NCKAP5: variants seen among roughly 807,000 people sequenced by gnomAD.
The protein encoded by NCKAP5 is nck-associated protein 5.
NCKAP5 carries 92 observed loss-of-function variants against 167.0 expected under a neutral mutation model. The ratio of observed to expected loss-of-function variants is 0.55; its 90% CI spans 0.47 to 0.66. NCKAP5 has a LOEUF of 0.66. Ranked by LOEUF, NCKAP5 falls within the 30% of genes least tolerant of loss-of-function variation. NCKAP5 has a pLI of 0.00. For missense variants in NCKAP5, 2,378 were observed against 2,315.0 expected, an observed-to-expected ratio of 1.03 and a Z score of -0.56; for synonymous variants, 891 against 877.4, an observed-to-expected ratio of 1.02 and a Z score of -0.27.
intron 8 of NCKAP5, among the ~76,000 whole-genome samples, chr2:132,898,632 T>G (rs1433315450): frequency 6.6e-6 from 1 of 152,238 alleles, no homozygotes; most frequent in African/African-American, 2.4e-5. Flanking sequence ...ATGAATGTTG[T>G]GTTAGCAGGC....
At chr2:132,713,776 T>C (rs956343874) in intron 19 of NCKAP5, among the ~76,000 whole-genome samples, 1 of 152,010 alleles carries the variant, frequency 6.6e-6, no homozygotes, top group African/African-American at 2.4e-5. Flanking sequence ...AAACATTCTG[T>C]ATGATGCTTG....
intron 16 of NCKAP5, among the ~76,000 whole-genome samples, chr2:132,742,293 T>C (rs1205292550): frequency 2.0e-5 from 3 of 151,986 alleles, no homozygotes; most frequent in East Asian, 1.9e-4. Flanking sequence ...GGATAACATC[T>C]GCCTTGATAA....
intron 3 of NCKAP5, among the ~76,000 whole-genome samples, chr2:133,426,245 G>A (rs1356421097): frequency 1.3e-5 from 2 of 151,984 alleles, no homozygotes; most frequent in Admixed American, 6.5e-5. Context: ...ACTCCAGCCT[G>A]GGCAACGGAG....
chr2:133,242,933 C>T (rs1461697118), intron 4 of NCKAP5, among the ~76,000 whole-genome samples: 1 of 152,106 alleles, frequency 6.6e-6, no homozygotes, highest in Non-Finnish European at 1.5e-5. Context: ...ACTGGAGTTA[C>T]ACAATATACC....
In NCKAP5 at chr2:133,074,369, A is replaced by T. The variant is rs541943354; in HGVS notation, c.341+55609T>A. ...TACCAAAAAACCGAAAATTTAATTA[A>T]TTTTTTTTGAGACAGGGTCTCACTC... On this transcript the variant is annotated intron_variant, in intron 6 of 19. Transcript: ENST00000409261. 4.7e-3 allele frequency among the ~76,000 whole-genome samples: 712 copies of T among 151,474 alleles called. 4 individuals are homozygous for T. The highest frequency in any genetic ancestry group is 8.0e-3 in the Non-Finnish European group (545 of 67,876).
intron 11 of NCKAP5, among the ~76,000 whole-genome samples, chr2:132,826,763 A>G (rs1687151116): frequency 6.6e-6 from 1 of 152,186 alleles, no homozygotes; most frequent in Non-Finnish European, 1.5e-5. Flanking sequence ...TAGATAGATT[A>G]AGGAGAAAAA....
At chr2:133,562,581 A>G (rs1033651955) in intron 1 of NCKAP5, among the ~76,000 whole-genome samples, 49 of 152,174 alleles carry the variant, frequency 3.2e-4, no homozygotes, top group African/African-American at 1.1e-3. Context: ...TCTTCTTTCA[A>G]CACCGTAATA....
At chr2:133,234,551 T>C (rs1225115138) in intron 4 of NCKAP5, among the ~76,000 whole-genome samples, 2 of 152,156 alleles carry the variant, frequency 1.3e-5, no homozygotes, top group African/African-American at 4.8e-5. Flanking sequence ...CTGACCACTG[T>C]ATGTTCTTTA....
intron 5 of NCKAP5, among the ~76,000 whole-genome samples, chr2:133,199,222 A>C (rs1455407125): frequency 6.6e-6 from 1 of 151,588 alleles, no homozygotes; most frequent in Non-Finnish European, 1.5e-5. Context: ...GAATACAGAA[A>C]GCATAAACTA....
intron 3 of NCKAP5, among the ~76,000 whole-genome samples, chr2:133,326,458 C>CAAAAAA (rs34750625): frequency 1.8e-4 from 9 of 48,916 alleles, no homozygotes; most frequent in African/African-American, 4.0e-4. Context: ...TCAGTCTCAA[C>CAAAAAA]AAAAAAAAAA....
At position 132,866,302 on chromosome 2, in the gene NCKAP5, T is replaced by C. The variant is rs1265098460; in HGVS notation, c.687+2634A>G. ...TGAGTTACATTTTCTGCAAATGTAA[T>C]TGACTTAATGAAGATAAAATATATT... On this transcript the variant is annotated intron_variant, in intron 10 of 19. Coordinates refer to ENST00000409261, the MANE Select transcript of NCKAP5 (RefSeq NM_207363.3). Among the ~76,000 whole-genome samples, 3 of 152,180 alleles carry C rather than the reference T, an allele frequency of 2.0e-5. No individual in the cohort carries two copies. In the East Asian group the frequency reaches 5.8e-4, roughly 29 times the overall value.
chr2:133,582,728 T>C, the NCKAP5 span, among the ~76,000 whole-genome samples: 2 of 152,230 alleles, frequency 1.3e-5, no homozygotes, highest in Non-Finnish European at 2.9e-5. Context: ...AACATAAAGA[T>C]AGTTCTGGCT....
At chr2:133,015,581 G>A (rs989357539) in intron 6 of NCKAP5, among the ~76,000 whole-genome samples, 2 of 152,156 alleles carry the variant, frequency 1.3e-5, no homozygotes, top group African/African-American at 2.4e-5. Context: ...TCAGGGTAGT[G>A]AGCATGTTGA....
chr2:133,647,965 A>G, the NCKAP5 span, among the ~76,000 whole-genome samples: 1 of 152,238 alleles, frequency 6.6e-6, no homozygotes, highest in South Asian at 2.1e-4. Context: ...ACTTCAAAAT[A>G]AGATCCAACT....
At position 132,782,007 on chromosome 2, in the gene NCKAP5, G is replaced by A; in HGVS notation, c.4804C>T (p.Pro1602Ser). The A allele has an allele frequency of 6.2e-7, 1 of 1,613,976 alleles. No homozygotes were observed. The highest frequency in any genetic ancestry group is 1.1e-5 in the South Asian group (1 of 91,080). ...QDIYNQLKIEPRNRHSPVACS... is the reference protein window; with the variant it reads ...QDIYNQLKIESRNRHSPVACS... Reference sequence around the variant, plus strand: ...GCAACAGGGCTGTGTCTATTCCTTGGTTCAATCTTCAGTTGGTTGTAAATG... The same window carrying A: ...GCAACAGGGCTGTGTCTATTCCTTGATTCAATCTTCAGTTGGTTGTAAATG... Residue 1602 changes from proline to serine, a missense_variant, in exon 14 of 20, where the codon CCA (proline) becomes TCA (serine). Coordinates refer to ENST00000409261, the MANE Select transcript of NCKAP5 (RefSeq NM_207363.3).
intron 6 of NCKAP5, among the ~76,000 whole-genome samples, chr2:133,099,878 G>A (rs1167369329): frequency 6.6e-6 from 1 of 152,214 alleles, no homozygotes; most frequent in African/African-American, 2.4e-5. Flanking sequence ...AAGCTGAAAT[G>A]CAGCTCTTCT....
intron 1 of NCKAP5, among the ~76,000 whole-genome samples, chr2:133,561,295 A>G (rs1230757512): frequency 6.6e-6 from 1 of 152,228 alleles, no homozygotes; most frequent in Non-Finnish European, 1.5e-5. Context: ...AAAGTTTCAC[A>G]TTATTTTAAG....
At chr2:133,027,444 A>T (rs1298129927) in intron 6 of NCKAP5, among the ~76,000 whole-genome samples, 1 of 152,216 alleles carries the variant, frequency 6.6e-6, no homozygotes. Context: ...TAGTTATCAT[A>T]CTTCTCCCCA....
At chr2:132,935,585 A>G (rs551183497) in intron 8 of NCKAP5, among the ~76,000 whole-genome samples, 1 of 152,248 alleles carries the variant, frequency 6.6e-6, no homozygotes, top group Non-Finnish European at 1.5e-5. Flanking sequence ...GGGCGAGTCT[A>G]TCACACCGGA....
Sources: gnomAD v4.1 joint callset for allele counts (sites outside exome capture counted in the v4.1 genomes callset) on GRCh38, gnomAD v4.1.1 for gene constraint, MANE v1.5 for transcripts, NCBI Gene and HGNC (gene_info 2026-07-23, HGNC 2026-07-21) for gene names.